The following ASB15 variants were observed in gnomAD, a reference collection of about 807,000 sequenced individuals.
ASB15 encodes ankyrin repeat and SOCS box protein 15.
In ASB15, 54 loss-of-function variants were observed where a neutral mutation model predicts 58.0. The ratio of observed to expected loss-of-function variants is 0.93; its 90% CI spans 0.75 to 1.17. ASB15 has a LOEUF of 1.17. ASB15 is among the 50% of genes most tolerant of loss of function. ASB15 has a pLI of 0.00. For missense variants in ASB15, 680 were observed against 707.4 expected, an observed-to-expected ratio of 0.96 and a Z score of 0.44; for synonymous variants, 249 against 262.4, an observed-to-expected ratio of 0.95 and a Z score of 0.50.
chr7:123,601,656 C>A (rs112383075), upstream of ASB15, among the ~76,000 whole-genome samples: 140 of 152,248 alleles, frequency 9.2e-4, no homozygotes, highest in African/African-American at 3.1e-3. Flanking sequence ...TTCTTTGAAC[C>A]AATCAGGACA....
At chr7:123,618,882 AG>A (rs1801012631) in intron 7 of ASB15, among the ~76,000 whole-genome samples, 1 of 152,164 alleles carries the variant, frequency 6.6e-6, no homozygotes, top group South Asian at 2.1e-4. Flanking sequence ...AAACGTATTA[AG>A]AAGTCACATT....
At chr7:123,587,056 T>C (rs904595295) in intron 1 of ASB15, among the ~76,000 whole-genome samples, 4 of 151,704 alleles carry the variant, frequency 2.6e-5, no homozygotes, top group Admixed American at 6.6e-5. Flanking sequence ...TTTAAGGTCT[T>C]TTTTGGTTCC....
chr7:123,624,718 G>A lies in ASB15; in HGVS notation c.601G>A (p.Gly201Ser), dbSNP rs1801652391. The stretch of plus-strand genomic sequence containing the variant: ...CGTAGCTCTGCTGCTGAAACATGGA[G>A]GCAATGTCCACCTGAGAGATGGATT... ...DIVALLLKHG[G>S]NVHLRDGFGV... is the part of the protein sequence containing the mutation. Residue 201 changes from glycine (G) to serine (S), a missense_variant, in exon 8 of 12, where the codon GGC (glycine) becomes AGC (serine). Coordinates refer to ENST00000451215, the MANE Select transcript of ASB15 (RefSeq NM_001290258.2). 4 of 1,614,150 alleles carry A rather than the reference G, an allele frequency of 2.5e-6. No individual in the cohort carries two copies. In the South Asian group the frequency reaches 3.3e-5, roughly 13 times the overall value.
At chr7:123,635,263 A>G (rs1245431784) in intron 11 of ASB15, among the ~76,000 whole-genome samples, 1 of 152,166 alleles carries the variant, frequency 6.6e-6, no homozygotes, top group Non-Finnish European at 1.5e-5. Flanking sequence ...GCAAAGTTCT[A>G]TTTCCTATAG....
Position 123,576,317 on chromosome 7 carries a change from T to C in ASB15, c.-443+9229T>C, listed in dbSNP as rs573071062. On this transcript the variant is annotated intron_variant, in intron 1 of 13. Transcript: ENST00000451558. ...TTTTGCATTTGTACTTTTTACTCTT[T>C]TTTATATATGAAGTTGTGTTTTTTG... Among the ~76,000 whole-genome samples the C allele has an allele frequency of 3.3e-5, 5 of 152,120 alleles. No individual in the cohort carries two copies. In the East Asian group the frequency reaches 9.7e-4, roughly 29 times the overall value.
At chr7:123,611,802 C>T (rs1800480172) in intron 3 of ASB15, among the ~76,000 whole-genome samples, 1 of 152,100 alleles carries the variant, frequency 6.6e-6, no homozygotes, top group Non-Finnish European at 1.5e-5. Context: ...CACCTTAGTA[C>T]ACCTGCATGC....
chr7:123,614,648 A>G, intron 4 of ASB15, 39 bp downstream of exon 4: 1 of 1,280,552 alleles, frequency 7.8e-7, no homozygotes, highest in Non-Finnish European at 1.1e-6. Context: ...AAATTTCTTT[A>G]TGGCATTCAT....
intron 7 of ASB15, among the ~76,000 whole-genome samples, chr7:123,621,714 T>C (rs907868899): frequency 3.3e-5 from 5 of 152,238 alleles, no homozygotes; most frequent in Admixed American, 6.5e-5. Context: ...CATCTGGCCC[T>C]TCCTTATTTA....
chr7:123,572,021 C>G (rs555046341), intron 1 of ASB15, among the ~76,000 whole-genome samples: 25 of 151,438 alleles, frequency 1.7e-4, no homozygotes, highest in African/African-American at 5.8e-4. Context: ...TTCCTGGGCT[C>G]AAGCAATCCT....
intron 2 of ASB15, among the ~76,000 whole-genome samples, chr7:123,606,277 G>A (rs918223913): frequency 6.6e-6 from 1 of 152,070 alleles, no homozygotes; most frequent in Non-Finnish European, 1.5e-5. Context: ...TCAAATTTCT[G>A]CTCCTTCCCA....
chr7:123,619,233 G>C (rs1389370731), intron 7 of ASB15, among the ~76,000 whole-genome samples: 1 of 151,138 alleles, frequency 6.6e-6, no homozygotes, highest in East Asian at 1.9e-4. Flanking sequence ...CGCTGTCCTG[G>C]GTAGTGTGGA....
intron 7 of ASB15, chr7:123,620,226 A>C (rs1284815316): frequency 1.3e-5 from 2 of 151,746 alleles, no homozygotes; most frequent in East Asian, 3.9e-4. Flanking sequence ...ATGCCACCAC[A>C]CCTTGGGGCA....
intron 3 of ASB15, among the ~76,000 whole-genome samples, chr7:123,609,454 T>C (rs1471209762): frequency 6.6e-6 from 1 of 152,178 alleles, no homozygotes; most frequent in Non-Finnish European, 1.5e-5. Context: ...ATGACACTGA[T>C]GTGACAGGTG....
chr7:123,600,035 G>C (rs578205880), upstream of ASB15, among the ~76,000 whole-genome samples: 2 of 152,232 alleles, frequency 1.3e-5, no homozygotes, highest in South Asian at 4.2e-4. Context: ...TCAAATATAT[G>C]AGTTACTCAA....
At chr7:123,585,586 TACC>T (rs1305359350) in intron 1 of ASB15, among the ~76,000 whole-genome samples, 1 of 151,756 alleles carries the variant, frequency 6.6e-6, no homozygotes. Flanking sequence ...GTGAAATGAT[TACC>T]ACAACCAAGC....
At chr7:123,634,086 GGTTT>G (rs1658842278) in intron 11 of ASB15, among the ~76,000 whole-genome samples, 1 of 151,998 alleles carries the variant, frequency 6.6e-6, no homozygotes, top group African/African-American at 2.4e-5. Context: ...AGAATGTGCA[GGTTT>G]GTTACACAGG....
At position 123,624,816 on chromosome 7, in the gene ASB15, T is replaced by C; in HGVS notation, c.697+2T>C. 1 of 1,613,032 alleles carries C rather than the reference T, an allele frequency of 6.2e-7. No individual in the cohort carries two copies. The highest frequency in any genetic ancestry group is 8.5e-7 in the Non-Finnish European group (1 of 1,179,448). On this transcript the variant is annotated splice_donor_variant, in intron 8 of 11. Coordinates refer to ENST00000451215, the MANE Select transcript of ASB15 (RefSeq NM_001290258.2). LOFTEE classifies it high-confidence loss of function. Reference sequence around the variant, plus strand: ...TGTTAGAACATCTAATCCACAAAGGTATGTGAAAAGGAGTTACACTTCCTG... The same window carrying C: ...TGTTAGAACATCTAATCCACAAAGGCATGTGAAAAGGAGTTACACTTCCTG...
chr7:123,572,698 C>T (rs1798946082), intron 1 of ASB15, among the ~76,000 whole-genome samples: 1 of 148,744 alleles, frequency 6.7e-6, no homozygotes, highest in Non-Finnish European at 1.5e-5. Context: ...AATATATTCA[C>T]TCTATCTCTT....
At position 123,606,447 on chromosome 7, in the gene ASB15, A is replaced by G. The variant is rs563424215; in HGVS notation, c.-63-2147A>G. Among the ~76,000 whole-genome samples, 4 of 152,270 alleles carry G rather than the reference A, an allele frequency of 2.6e-5. No homozygotes were observed. In the South Asian group the frequency reaches 6.2e-4, roughly 24 times the overall value. On this transcript the variant is annotated intron_variant, in intron 2 of 11. Coordinates refer to ENST00000451215, the MANE Select transcript of ASB15 (RefSeq NM_001290258.2). ...GGCTTTGTAAGCTTTGCCTCTGTAA[A>G]GTCCATCTTAGTTCACTTTTCTTGT...
Sources: gnomAD v4.1 joint callset for allele counts (sites outside exome capture counted in the v4.1 genomes callset) on GRCh38, gnomAD v4.1.1 for gene constraint, MANE v1.5 for transcripts, NCBI Gene and HGNC (gene_info 2026-07-23, HGNC 2026-07-21) for gene names.